WDR59: variants seen among roughly 807,000 people sequenced by gnomAD.
The protein encoded by WDR59 is GATOR2 complex protein WDR59.
WDR59 carries 100 observed loss-of-function variants against 131.2 expected under a neutral mutation model. That is an observed-to-expected ratio of 0.76 (90% CI 0.65 to 0.90). WDR59 has a LOEUF of 0.90. Ranked by LOEUF, WDR59 falls within the 40% of genes least tolerant of loss-of-function variation. The pLI is 0.00. For synonymous variants in WDR59, 601 were observed against 466.2 expected (o/e 1.29, Z -3.72); for missense variants, 1,203 against 1,262.2 (o/e 0.95, Z 0.71).
intron 1 of WDR59, among the ~76,000 whole-genome samples, chr16:74,981,942 C>T (rs1209993641): frequency 8.0e-6 from 1 of 125,092 alleles, no homozygotes; most frequent in Non-Finnish European, 1.7e-5. Flanking sequence ...AGGCGTGAGC[C>T]ACCACGCCTG....
chr16:74,879,669 CTCTGGAAATAGTATCTTG>C (rs2144761167), intron 25 of WDR59, among the ~76,000 whole-genome samples: 1 of 152,080 alleles, frequency 6.6e-6, no homozygotes, highest in South Asian at 2.1e-4. Context: ...AAATGAAACA[CTCTGGAAATAGTATCTTG>C]TTCTAATTAC....
At chr16:74,887,834 C>A in intron 22 of WDR59, 79 bp from the exon 23 acceptor site, 1 of 1,417,906 alleles carries the variant, frequency 7.1e-7, no homozygotes, top group Non-Finnish European at 9.9e-7. Context: ...AAGAAAACAG[C>A]AGGCCAAGCA....
At chr16:74,968,136 G>C (rs574766130) in intron 1 of WDR59, among the ~76,000 whole-genome samples, 52 of 152,244 alleles carry the variant, frequency 3.4e-4, no homozygotes, top group African/African-American at 1.2e-3. Flanking sequence ...TGGGGAAGTA[G>C]AGAATGCGGA....
At position 74,921,998 on chromosome 16, in the gene WDR59, C is replaced by T. The variant is rs971879739; in HGVS notation, c.835G>A (p.Val279Met). 1.8e-5 allele frequency: 29 copies of T among 1,614,038 alleles called. No individual in the cohort carries two copies. The Admixed American group carries it at 3.8e-4, about 21-fold the overall frequency. Residue 279 changes from valine (V) to methionine (M), a missense_variant, in exon 10 of 26, where the codon GTG becomes ATG. Coordinates refer to ENST00000262144, the MANE Select transcript of WDR59 (RefSeq NM_030581.4). Reference protein sequence around the residue: ...FDLNTPVHTFVGHDDVVLEFQ... With the variant: ...FDLNTPVHTFMGHDDVVLEFQ... ...TCCAGGACCACATCATCATGCCCCA[C>T]GAAGGTGTGGACTGGGGTGTTCAAG... is the stretch of plus-strand genomic sequence containing the variant.
rs1444818227 is a variant in WDR59 at position 74,874,383 on chromosome 16, G to A, written c.2751C>T (p.Cys917=). 6.2e-7 allele frequency: 1 copy of A among 1,613,988 alleles called. No homozygotes were observed. The highest frequency in any genetic ancestry group is 8.5e-7 in the Non-Finnish European group (1 of 1,180,038). Residue 917 remains cysteine, a synonymous_variant, in exon 26 of 26, where the codon TGC becomes TGT. Transcript: ENST00000262144. ...TGGCACACTGGAACGTGAAGCCTTTGCAGATGGCACACTGCGTGCCACGGA... is the reference window on the plus strand; with the variant it reads ...TGGCACACTGGAACGTGAAGCCTTTACAGATGGCACACTGCGTGCCACGGA... ...SEVRGTQCAI[C]KGFTFQCAIC... is the part of the protein sequence containing the mutation.
At chr16:74,967,459 T>C (rs920751112) in intron 1 of WDR59, among the ~76,000 whole-genome samples, 3 of 152,142 alleles carry the variant, frequency 2.0e-5, no homozygotes, top group Non-Finnish European at 2.9e-5. Context: ...AGGCCCTTGG[T>C]ATATACACAC....
At chr16:74,973,573 C>A (rs1035831884) in intron 1 of WDR59, among the ~76,000 whole-genome samples, 3 of 152,188 alleles carry the variant, frequency 2.0e-5, no homozygotes, top group Non-Finnish European at 4.4e-5. Flanking sequence ...AAGGCGTGAG[C>A]CACCATGCTT....
chr16:74,969,504 C>T (rs958270779), intron 1 of WDR59, among the ~76,000 whole-genome samples: 7 of 152,006 alleles, frequency 4.6e-5, no homozygotes, highest in African/African-American at 1.2e-4. Flanking sequence ...ATCTCCTGAC[C>T]CTGTGATCCA....
intron 8 of WDR59, among the ~76,000 whole-genome samples, chr16:74,933,921 T>C (rs8043624): frequency 0.28 from 42,743 of 152,174 alleles, 6,312 homozygotes; most frequent in African/African-American, 0.35. Flanking sequence ...CAACTCTTTT[T>C]TGCCAAATTC....
rs1337608977 is a variant in WDR59, at chr16:74,874,308, C to T, written c.2826G>A (p.Gly942=). The change falls in exon 26 of 26, where the codon GGG becomes GGA. Residue 942 remains glycine, a synonymous_variant. Coordinates refer to ENST00000262144, the MANE Select transcript of WDR59 (RefSeq NM_030581.4). ...TCATGTGGCTGGTGTGGCCACCGTG[C>T]CCACAGGTCAGGCAGAAATTGGACG... ...RGSSNFCLTC[G]HGGHTSHMME... is the part of the protein sequence containing the mutation. 2 of 1,614,000 alleles carry T rather than the reference C, an allele frequency of 1.2e-6. No homozygotes were observed. The highest frequency in any genetic ancestry group is 2.2e-5 in the East Asian group (1 of 44,888).
intron 5 of WDR59, 23 bp downstream of exon 5, chr16:74,949,695 T>A: frequency 2.5e-6 from 4 of 1,609,870 alleles, no homozygotes; most frequent in Non-Finnish European, 3.4e-6. Flanking sequence ...AACCAAGTGG[T>A]TATGCCTCCT....
chr16:74,945,303 T>C (rs375280678), intron 6 of WDR59, among the ~76,000 whole-genome samples: 87 of 149,862 alleles, frequency 5.8e-4, no homozygotes, highest in South Asian at 1.1e-3. Flanking sequence ...AGTGAAACCC[T>C]GTCTCTACTA....
At chr16:74,961,721 T>G (rs774388092) in intron 2 of WDR59, among the ~76,000 whole-genome samples, 2 of 152,198 alleles carry the variant, frequency 1.3e-5, no homozygotes, top group Non-Finnish European at 2.9e-5. Context: ...TGCAAGAATT[T>G]TCTCCCATTC....
chr16:74,913,975 G>A (rs1966236109), intron 13 of WDR59, among the ~76,000 whole-genome samples: 1 of 152,218 alleles, frequency 6.6e-6, no homozygotes, highest in South Asian at 2.1e-4. Context: ...GGGAGGCCAA[G>A]GTGGGCAGAT....
In WDR59 at chr16:74,872,048, G is replaced by A. The variant is rs922397773; in HGVS notation, c.*2161C>T. ...AACTTTCAGTAAGAAATGAATTTAC[G>A]CTATGATCCGGTATACACCTGTGCA... is the stretch of plus-strand genomic sequence containing the variant. On this transcript the variant is annotated 3_prime_UTR_variant, in exon 26 of 26. Coordinates refer to ENST00000262144, the MANE Select transcript of WDR59 (RefSeq NM_030581.4). The A allele has an allele frequency of 6.6e-6, 1 of 152,208 alleles. No individual in the cohort carries two copies. Among genetic ancestry groups the A allele is most frequent in the African/African-American group, 2.4e-5 (1 of 41,460 alleles). 9.4% of individuals were successfully genotyped at this position (152,208 alleles called of 1,614,324 possible). A position where few individuals can be genotyped will look rare whatever the true frequency, so the allele number is the denominator to read the frequency against.
rs190534159 is a variant in WDR59 at position 74,970,009 on chromosome 16, C to T, written c.55-4187G>A. Reference sequence around the variant, plus strand: ...CTCAATCTCAGCTCACTGCAACCTCCGTCTCCTGGGTTCAAGTGATCCTGT... The same window carrying T: ...CTCAATCTCAGCTCACTGCAACCTCTGTCTCCTGGGTTCAAGTGATCCTGT... On this transcript the variant is annotated intron_variant, in intron 1 of 25. Transcript: ENST00000262144. 2.2e-3 allele frequency among the ~76,000 whole-genome samples: 334 copies of T among 151,940 alleles called. 1 individual carries two copies. Among genetic ancestry groups the T allele is most frequent in the Middle Eastern group, 6.8e-3 (2 of 292 alleles).
At chr16:74,940,859 T>TGC (rs2032163674) in intron 7 of WDR59, among the ~76,000 whole-genome samples, 1 of 151,792 alleles carries the variant, frequency 6.6e-6, no homozygotes, top group Admixed American at 6.6e-5. Flanking sequence ...GCGCCCGCCA[T>TGC]CACGCCCAGC....
intron 13 of WDR59, 83 bp downstream of exon 13, chr16:74,915,787 T>C: frequency 1.3e-6 from 2 of 1,587,860 alleles, no homozygotes; most frequent in Non-Finnish European, 1.7e-6. Context: ...AGCTATTTGC[T>C]AACTGAAATC....
At chr16:74,881,070 C>G (rs1195068263) in intron 25 of WDR59, among the ~76,000 whole-genome samples, 1 of 152,162 alleles carries the variant, frequency 6.6e-6, no homozygotes, top group Non-Finnish European at 1.5e-5. Flanking sequence ...ACCATTAAGA[C>G]CAAGCGCATC....
Sources: allele counts gnomAD v4.1 joint callset (sites outside exome capture counted in the v4.1 genomes callset), GRCh38; gene constraint gnomAD v4.1.1; transcripts MANE v1.5; gene names NCBI Gene and HGNC (gene_info 2026-07-23, HGNC 2026-07-21).